The following ACTR3C variants were observed in gnomAD, a reference collection of about 807,000 sequenced individuals.
ACTR3C encodes the protein actin-related protein 3C.
A neutral mutation model predicts 26.3 loss-of-function variants in ACTR3C; 18 were observed. The observed-to-expected ratio is 0.68, with a 90% CI of 0.47 to 1.01. The LOEUF is 1.01. Ranked by LOEUF, ACTR3C falls within the 50% of genes least tolerant of loss-of-function variation. The pLI is 0.00. For missense variants in ACTR3C, 184 were observed against 250.7 expected (o/e 0.73, Z 1.80); for synonymous variants, 55 against 94.5 (o/e 0.58, Z 2.42).
At chr7:150,005,611 G>T in the ACTR3C span, among the ~76,000 whole-genome samples, 2,089 of 152,052 alleles carry the variant, frequency 0.014, 52 homozygotes, top group African/African-American at 0.048. Flanking sequence ...CATGTGGTGA[G>T]GGGGGGAAGA....
At chr7:149,885,448 CAGG>C in the ACTR3C span, among the ~76,000 whole-genome samples, 18 of 152,342 alleles carry the variant, frequency 1.2e-4, no homozygotes, top group African/African-American at 4.3e-4. Flanking sequence ...TGGTGCTTCC[CAGG>C]AGGCCGGGGG....
At chr7:150,220,199 G>A in the ACTR3C span, among the ~76,000 whole-genome samples, 1 of 148,396 alleles carries the variant, frequency 6.7e-6, no homozygotes, top group Admixed American at 6.6e-5. Context: ...GCCTCCATCT[G>A]CGCCCCACGC....
At chr7:150,193,391 T>A in the ACTR3C span, among the ~76,000 whole-genome samples, 1 of 149,298 alleles carries the variant, frequency 6.7e-6, no homozygotes, top group Non-Finnish European at 1.5e-5. Context: ...TGATTTTCTC[T>A]ATTGATTTTT....
chr7:150,036,557 G>A, the ACTR3C span, among the ~76,000 whole-genome samples: 9 of 144,242 alleles, frequency 6.2e-5, 2 homozygotes, highest in East Asian at 2.0e-4. Flanking sequence ...CCGGGTCCCC[G>A]ACCCCTTTGT....
At chr7:150,090,985 A>G in the ACTR3C span, among the ~76,000 whole-genome samples, 1 of 152,146 alleles carries the variant, frequency 6.6e-6, no homozygotes, top group South Asian at 2.1e-4. Flanking sequence ...AACAAAGGGC[A>G]CCATCCTTTC....
chr7:150,111,325 T>C, the ACTR3C span, among the ~76,000 whole-genome samples: 21 of 107,220 alleles, frequency 2.0e-4, no homozygotes, highest in Non-Finnish European at 2.7e-4. Flanking sequence ...GGTGCCCTGG[T>C]GCCCTGCTCC....
intron 1 of ACTR3C, among the ~76,000 whole-genome samples, chr7:150,310,816 C>A (rs1563206379): frequency 2.6e-5 from 4 of 152,198 alleles, no homozygotes; most frequent in South Asian, 2.1e-4. Context: ...TGAACTTCTT[C>A]TTTGCAGCCC....
chr7:150,041,312 C>G, the ACTR3C span: 1 of 151,120 alleles, frequency 6.6e-6, no homozygotes, highest in South Asian at 2.1e-4. Flanking sequence ...CTGCCTTCTG[C>G]CCTTAAGCTC....
At chr7:150,159,783 A>G in the ACTR3C span, among the ~76,000 whole-genome samples, 4 of 151,552 alleles carry the variant, frequency 2.6e-5, no homozygotes, top group South Asian at 2.1e-4. Flanking sequence ...ATATGCTTCT[A>G]TGGTCTTTTT....
the ACTR3C span, among the ~76,000 whole-genome samples, chr7:150,012,471 T>G: frequency 2.6e-5 from 4 of 150,992 alleles, no homozygotes; most frequent in Admixed American, 6.6e-5. Context: ...CCCACCACCA[T>G]GCCCGGCTAA....
chr7:150,318,336 A>C (rs1444700724), intron 1 of ACTR3C, among the ~76,000 whole-genome samples: 1 of 152,204 alleles, frequency 6.6e-6, no homozygotes, highest in South Asian at 2.1e-4. Context: ...GCTTTCAGAG[A>C]GAGTACAACA....
chr7:150,118,145 G>C, the ACTR3C span, among the ~76,000 whole-genome samples: 2 of 152,148 alleles, frequency 1.3e-5, no homozygotes, highest in Admixed American at 6.5e-5. Flanking sequence ...AGCGCGAAAA[G>C]GCTGAAAATT....
chr7:149,927,171 C>A, the ACTR3C span, among the ~76,000 whole-genome samples: 1 of 151,858 alleles, frequency 6.6e-6, no homozygotes, highest in Admixed American at 6.6e-5. Flanking sequence ...CCCAGGGAGA[C>A]CAAGAGCCTT....
chr7:150,042,586 C>T, the ACTR3C span, among the ~76,000 whole-genome samples: 3 of 149,976 alleles, frequency 2.0e-5, no homozygotes, highest in Non-Finnish European at 4.5e-5. Context: ...CGGGGGGTGC[C>T]TCCCCCCACT....
the ACTR3C span, among the ~76,000 whole-genome samples, chr7:150,126,905 TA>T: frequency 6.6e-6 from 1 of 152,180 alleles, no homozygotes; most frequent in African/African-American, 2.4e-5. Flanking sequence ...AGCCTTTCCC[TA>T]AGAACTCCTG....
chr7:150,082,947 C>CTTTTTT, the ACTR3C span, among the ~76,000 whole-genome samples: 1 of 108,550 alleles, frequency 9.2e-6, no homozygotes, highest in Non-Finnish European at 1.8e-5. Flanking sequence ...TTTTTTTTTT[C>CTTTTTT]TTTTTTTTTT....
At chr7:149,998,901 C>G in the ACTR3C span, among the ~76,000 whole-genome samples, 3 of 150,604 alleles carry the variant, frequency 2.0e-5, no homozygotes, top group Admixed American at 6.7e-5. Flanking sequence ...CTCCCTCCCA[C>G]CACTCCCTCA....
chr7:149,962,839 G>A, the ACTR3C span, among the ~76,000 whole-genome samples: 2 of 152,270 alleles, frequency 1.3e-5, no homozygotes, highest in East Asian at 1.9e-4. Context: ...CAGAAACTAC[G>A]TATCTCACTC....
Position 150,260,110 on chromosome 7 carries a change from T to C in ACTR3C, c.565-11056A>G, listed in dbSNP as rs189750021. Among the ~76,000 whole-genome samples, 20 of 152,378 alleles carry C rather than the reference T, an allele frequency of 1.3e-4. 1 individual carries two copies. The East Asian group carries it at 3.8e-3, about 29-fold the overall frequency. On this transcript the variant is annotated intron_variant, in intron 6 of 7. Coordinates refer to ENST00000683684, the MANE Select transcript of ACTR3C (RefSeq NM_001164458.2). ...TCACCCATTGTGTATATATTGCCTA[T>C]AACTGTTTTTGTACTGCCCTCAGTT... is the stretch of plus-strand genomic sequence containing the variant.
Sources: allele counts gnomAD v4.1 joint callset (sites outside exome capture counted in the v4.1 genomes callset), GRCh38; gene constraint gnomAD v4.1.1; transcripts MANE v1.5; gene names NCBI Gene and HGNC (gene_info 2026-07-23, HGNC 2026-07-21).